The following FMNL2 variants were observed in gnomAD, a reference collection of about 807,000 sequenced individuals.
The protein encoded by FMNL2 is formin-like protein 2.
FMNL2 carries 51 observed loss-of-function variants against 130.2 expected under a neutral mutation model. The ratio of observed to expected loss-of-function variants is 0.39; its 90% CI spans 0.31 to 0.49. FMNL2 has a LOEUF of 0.49. Ranked by LOEUF, FMNL2 falls within the 20% of genes least tolerant of loss-of-function variation. The probability of loss-of-function intolerance (pLI) is 0.85; values close to 1 mark genes in which losing one functional copy is unlikely to be tolerated. For synonymous variants in FMNL2, 465 were observed against 467.1 expected, an observed-to-expected ratio of 1.00 and a Z score of 0.06; for missense variants, 977 against 1,316.2, an observed-to-expected ratio of 0.74 and a Z score of 3.99.
At chr2:152,632,518 A>G (rs1405159862) in intron 21 of FMNL2, among the ~76,000 whole-genome samples, 3 of 151,808 alleles carry the variant, frequency 2.0e-5, no homozygotes, top group Non-Finnish European at 4.4e-5. Context: ...TGGCAGTTGT[A>G]AACATTTTGC....
intron 4 of FMNL2, among the ~76,000 whole-genome samples, chr2:152,555,908 A>G (rs1196229244): frequency 6.6e-6 from 1 of 152,254 alleles, no homozygotes; most frequent in African/African-American, 2.4e-5. Flanking sequence ...CCCTGAATAT[A>G]TGATATAGTC....
chr2:152,390,570 G>A, intron 1 of FMNL2: 1 of 1,429,280 alleles, frequency 7.0e-7, no homozygotes, highest in Admixed American at 1.7e-5. Context: ...GAAGAAACAG[G>A]AGATTCTGAA....
intron 1 of FMNL2, among the ~76,000 whole-genome samples, chr2:152,500,284 A>G (rs960255446): frequency 4.6e-5 from 7 of 152,178 alleles, no homozygotes; most frequent in African/African-American, 1.2e-4. Context: ...TTAAGAAATC[A>G]GTCTGATGTT....
intron 1 of FMNL2, among the ~76,000 whole-genome samples, chr2:152,487,206 G>C (rs1410177194): frequency 6.6e-6 from 1 of 152,190 alleles, no homozygotes; most frequent in Non-Finnish European, 1.5e-5. Context: ...GGTCACAGCA[G>C]TTCTGATTTC....
At chr2:152,483,406 C>T (rs1690640365) in intron 1 of FMNL2, among the ~76,000 whole-genome samples, 1 of 152,098 alleles carries the variant, frequency 6.6e-6, no homozygotes, top group Admixed American at 6.5e-5. Flanking sequence ...CAGAAATCTA[C>T]TAGTTTTTCC....
chr2:152,489,953 A>G (rs557646134), intron 1 of FMNL2, among the ~76,000 whole-genome samples: 16 of 152,188 alleles, frequency 1.1e-4, no homozygotes, highest in Non-Finnish European at 2.1e-4. Flanking sequence ...GATATAAAAG[A>G]TACTACCTGT....
intron 12 of FMNL2, among the ~76,000 whole-genome samples, chr2:152,616,214 C>T (rs962834677): frequency 1.3e-5 from 2 of 152,124 alleles, no homozygotes; most frequent in Non-Finnish European, 2.9e-5. Flanking sequence ...CTGTCTTTCT[C>T]CTGAAGCCTC....
intron 5 of FMNL2, 95 bp downstream of exon 5, chr2:152,558,918 C>A: frequency 9.0e-7 from 1 of 1,113,496 alleles, no homozygotes; most frequent in Non-Finnish European, 1.3e-6. Context: ...AGGGCAGAAA[C>A]TCAGAAGCAG....
At chr2:152,503,512 A>G (rs1035132592) in intron 1 of FMNL2, among the ~76,000 whole-genome samples, 3 of 152,170 alleles carry the variant, frequency 2.0e-5, no homozygotes, top group South Asian at 2.1e-4. Context: ...ACCAGATTTT[A>G]TAAGGAAGTG....
chr2:152,335,568 G>A lies in FMNL2; in HGVS notation c.-36G>A, dbSNP rs764592669. On this transcript the variant is annotated 5_prime_UTR_variant, in exon 1 of 26. Transcript: ENST00000288670. ...CTGATTTCCGACGCGCACGCTAGGG[G>A]CCCGGAGCAGCCCCCGGCCCCGGCG... 2.6e-6 allele frequency: 4 copies of A among 1,542,352 alleles called. No individual in the cohort carries two copies. Among genetic ancestry groups the A allele is most frequent in the Non-Finnish European group, 3.5e-6 (4 of 1,135,894 alleles).
chr2:152,631,372 G>A lies in FMNL2; in HGVS notation c.2551-636G>A, dbSNP rs191827089. 2.7e-3 allele frequency among the ~76,000 whole-genome samples: 321 copies of A among 120,370 alleles called. 11 individuals carry two copies. In the East Asian group the frequency reaches 0.068, roughly 25 times the overall value. The allele number at this position is 120,370 out of a possible 152,430, so 79.0% of individuals were successfully genotyped here. On this transcript the variant is annotated intron_variant, in intron 20 of 25. Coordinates refer to ENST00000288670, the MANE Select transcript of FMNL2 (RefSeq NM_052905.4). ...TGTGCCACTGCACTCCACCCTGGGCGACAGAACGAGACTCCATCTCAAAAA... is the reference window on the plus strand; with the variant it reads ...TGTGCCACTGCACTCCACCCTGGGCAACAGAACGAGACTCCATCTCAAAAA...
At chr2:152,460,740 G>A (rs1689190803) in intron 1 of FMNL2, among the ~76,000 whole-genome samples, 1 of 152,146 alleles carries the variant, frequency 6.6e-6, no homozygotes, top group Non-Finnish European at 1.5e-5. Context: ...ATTGTGAACT[G>A]CACGTGTGAG....
At chr2:152,590,334 TA>T (rs1288384302) in intron 9 of FMNL2, among the ~76,000 whole-genome samples, 2 of 152,068 alleles carry the variant, frequency 1.3e-5, no homozygotes, top group Non-Finnish European at 2.9e-5. Flanking sequence ...ACCGTCTTAT[TA>T]AATAAGCATG....
chr2:152,542,342 T>C (rs1453887179), intron 2 of FMNL2, among the ~76,000 whole-genome samples: 2 of 152,194 alleles, frequency 1.3e-5, no homozygotes, highest in Non-Finnish European at 2.9e-5. Context: ...ATTGAAGATA[T>C]TCAAAAGAAT....
intron 1 of FMNL2, among the ~76,000 whole-genome samples, chr2:152,434,670 T>C (rs1687659579): frequency 6.6e-6 from 1 of 151,992 alleles, no homozygotes; most frequent in Non-Finnish European, 1.5e-5. Context: ...TTAACTGGCC[T>C]ACTCCTGCTT....
intron 1 of FMNL2, among the ~76,000 whole-genome samples, chr2:152,428,266 C>T (rs1042331614): frequency 2.0e-5 from 3 of 152,142 alleles, no homozygotes; most frequent in East Asian, 1.9e-4. Flanking sequence ...AAATCAGAAC[C>T]GTGCTTTCTT....
intron 25 of FMNL2, chr2:152,643,376 A>T (rs1301277503): frequency 2.6e-6 from 4 of 1,533,830 alleles, no homozygotes; most frequent in Non-Finnish European, 3.5e-6. Context: ...TTGGCTTTTT[A>T]TTCTCTTCTG....
rs116384143 is a variant in FMNL2, at chr2:152,462,064, T to G, written c.118-59879T>G. Among the ~76,000 whole-genome samples the G allele has an allele frequency of 6.7e-3, 1,023 of 152,192 alleles. 5 individuals are homozygous for G. Among genetic ancestry groups the G allele is most frequent in the African/African-American group, 0.023 (973 of 41,502 alleles). ...GTGTGTACCATCGTGCCCTGCTAAT[T>G]TTTAAATTTTTTGTAGAGATAGGAT... On this transcript the variant is annotated intron_variant, in intron 1 of 25. Transcript: ENST00000288670.
chr2:152,588,312 C>G (rs1266907686), intron 9 of FMNL2, among the ~76,000 whole-genome samples: 1 of 152,200 alleles, frequency 6.6e-6, no homozygotes, highest in East Asian at 1.9e-4. Context: ...GTCTCTGTCT[C>G]TCTGCTTCTC....
Sources: gnomAD v4.1 joint callset for allele counts (sites outside exome capture counted in the v4.1 genomes callset) on GRCh38, gnomAD v4.1.1 for gene constraint, MANE v1.5 for transcripts, NCBI Gene and HGNC (gene_info 2026-07-23, HGNC 2026-07-21) for gene names.